RGS17: variants seen among roughly 807,000 people sequenced by gnomAD.
The protein encoded by RGS17 is regulator of G protein signaling 17.
A neutral mutation model predicts 25.5 loss-of-function variants in RGS17; 12 were observed. That is an observed-to-expected ratio of 0.47 (90% CI 0.30 to 0.76). RGS17 has a LOEUF of 0.76. RGS17 is among the 30% of genes least tolerant of loss of function. RGS17 has a pLI of 0.07. For synonymous variants in RGS17, 71 were observed against 76.9 expected, an observed-to-expected ratio of 0.92 and a Z score of 0.40; for missense variants, 196 against 242.2, an observed-to-expected ratio of 0.81 and a Z score of 1.27.
intron 1 of RGS17, among the ~76,000 whole-genome samples, chr6:153,106,924 G>A (rs555471992): frequency 4.0e-5 from 6 of 151,536 alleles, no homozygotes; most frequent in East Asian, 2.0e-4. Context: ...GTCAGCCACC[G>A]TGCCTGGCTG....
In RGS17 at chr6:153,011,365, T is replaced by C. The variant is rs1304825053; in HGVS notation, c.*209A>G. 9.3e-6 allele frequency: 5 copies of C among 535,916 alleles called. No homozygotes were observed. Among genetic ancestry groups the C allele is most frequent in the Admixed American group, 7.2e-5 (2 of 27,690 alleles). The allele number at this position is 535,916 out of a possible 1,614,324, so 33.2% of individuals were successfully genotyped here. Reference sequence around the variant, plus strand: ...ATGAGTCTTGAATAAAACAAACAATTTGGCAATTCATTGTTTTGTGTGGTA... The same window carrying C: ...ATGAGTCTTGAATAAAACAAACAATCTGGCAATTCATTGTTTTGTGTGGTA... On this transcript the variant is annotated 3_prime_UTR_variant, in exon 5 of 5. Coordinates refer to ENST00000206262, the MANE Select transcript of RGS17 (RefSeq NM_012419.5).
In RGS17 at chr6:153,006,565, A is replaced by G. The variant is rs1311265309; in HGVS notation, c.*5009T>C. ...TAACACTGATATAGTGTTCCATCTT[A>G]AAACATGATTGTATGTTTTGATGAG... On this transcript the variant is annotated 3_prime_UTR_variant, in exon 5 of 5. Coordinates refer to ENST00000206262, the MANE Select transcript of RGS17 (RefSeq NM_012419.5). 6.6e-6 allele frequency: 1 copy of G among 152,602 alleles called. No homozygotes were observed. 9.5% of individuals were successfully genotyped at this position (152,602 alleles called of 1,614,324 possible). A position where few individuals can be genotyped will look rare whatever the true frequency, so the allele number is the denominator to read the frequency against.
intron 2 of RGS17, among the ~76,000 whole-genome samples, chr6:153,029,903 A>G (rs893936026): frequency 6.6e-6 from 1 of 152,148 alleles, no homozygotes; most frequent in Non-Finnish European, 1.5e-5. Context: ...TCTCTCCAAG[A>G]AGAGACACTC....
At chr6:153,058,141 A>C (rs1052865953) in intron 1 of RGS17, among the ~76,000 whole-genome samples, 1 of 152,248 alleles carries the variant, frequency 6.6e-6, no homozygotes, top group African/African-American at 2.4e-5. Flanking sequence ...TACTTGGAAC[A>C]AATCTTTGCA....
chr6:153,100,546 A>AAAAAG (rs1239392415), intron 1 of RGS17, among the ~76,000 whole-genome samples: 1 of 3,836 alleles, frequency 2.6e-4, no homozygotes, highest in Non-Finnish European at 4.1e-4. Context: ...AAAGAAAAAG[A>AAAAAG]AAAAAAAGGA....
chr6:153,070,445 T>A (rs577998051), intron 1 of RGS17, among the ~76,000 whole-genome samples: 1 of 152,146 alleles, frequency 6.6e-6, no homozygotes, highest in South Asian at 2.1e-4. Flanking sequence ...GTTATGTCTA[T>A]GTATACAAGT....
At chr6:153,128,493 C>T (rs1213392562) in intron 1 of RGS17, among the ~76,000 whole-genome samples, 1 of 152,144 alleles carries the variant, frequency 6.6e-6, no homozygotes, top group Non-Finnish European at 1.5e-5. Flanking sequence ...GGACTTCTGA[C>T]ACAAAGGCCA....
intron 4 of RGS17, 140 bp from the exon 5 acceptor site, chr6:153,011,902 A>AT: frequency 1.7e-6 from 1 of 585,732 alleles, no homozygotes; most frequent in Non-Finnish European, 2.9e-6. Flanking sequence ...ATCTTTTGAG[A>AT]CTACACAACC....
Position 153,007,016 on chromosome 6 carries a change from C to T in RGS17, c.*4558G>A, listed in dbSNP as rs1456465337. 6.6e-6 allele frequency: 1 copy of T among 152,174 alleles called. No homozygotes were observed. The highest frequency in any genetic ancestry group is 1.5e-5 in the Non-Finnish European group (1 of 68,032). The allele number at this position is 152,174 out of a possible 1,614,324, so 9.4% of individuals were successfully genotyped here. The stretch of plus-strand genomic sequence containing the variant: ...GTTCCCAAACTGGGACCTTCTATCA[C>T]CTAGGGCAACATTTTGCCTTTTGTA... On this transcript the variant is annotated 3_prime_UTR_variant, in exon 5 of 5. Transcript: ENST00000206262.
At chr6:153,123,151 T>C (rs1159320052) in intron 1 of RGS17, among the ~76,000 whole-genome samples, 1 of 152,124 alleles carries the variant, frequency 6.6e-6, no homozygotes, top group Non-Finnish European at 1.5e-5. Flanking sequence ...GTCTATGCCT[T>C]AGTGCCCTAA....
At position 153,032,772 on chromosome 6, in the gene RGS17, C is replaced by T. The variant is rs192562695; in HGVS notation, c.120-6229G>A. ...TTTACAAAATATTCTGAATAGATCCCGGCCCAAAGTCATTTGATTTGGGAA... is the reference window on the plus strand; with the variant it reads ...TTTACAAAATATTCTGAATAGATCCTGGCCCAAAGTCATTTGATTTGGGAA... On this transcript the variant is annotated intron_variant, in intron 2 of 4. Coordinates refer to ENST00000206262, the MANE Select transcript of RGS17 (RefSeq NM_012419.5). Among the ~76,000 whole-genome samples, 205 of 139,316 alleles carry T rather than the reference C, an allele frequency of 1.5e-3. 2 individuals carry two copies. Among genetic ancestry groups the T allele is most frequent in the African/African-American group, 5.1e-3 (194 of 37,772 alleles). 91.4% of individuals were successfully genotyped at this position (139,316 alleles called of 152,430 possible). A position where few individuals can be genotyped will look rare whatever the true frequency, so the allele number is the denominator to read the frequency against.
intron 1 of RGS17, among the ~76,000 whole-genome samples, chr6:153,069,800 A>C (rs1776762493): frequency 6.6e-6 from 1 of 151,426 alleles, no homozygotes; most frequent in Non-Finnish European, 1.5e-5. Context: ...AAAATTAAAA[A>C]CTAAAAAAAA....
At chr6:153,083,157 T>A (rs1206716967) in intron 1 of RGS17, among the ~76,000 whole-genome samples, 1 of 152,160 alleles carries the variant, frequency 6.6e-6, no homozygotes, top group Admixed American at 6.6e-5. Flanking sequence ...TCTGAAAAGT[T>A]CCCTCCTCTG....
intron 1 of RGS17, among the ~76,000 whole-genome samples, chr6:153,108,051 T>C (rs1209887535): frequency 6.6e-6 from 1 of 152,196 alleles, no homozygotes; most frequent in Non-Finnish European, 1.5e-5. Context: ...CCTGAGTTCA[T>C]GTCAGTTATG....
Position 153,011,745 on chromosome 6 carries a change from T to C in RGS17, c.462A>G (p.Arg154=). The C allele has an allele frequency of 6.2e-7, 1 of 1,606,942 alleles. No individual in the cohort carries two copies. Among genetic ancestry groups the C allele is most frequent in the Non-Finnish European group, 8.5e-7 (1 of 1,177,990 alleles). Residue 154 remains arginine, a synonymous_variant, in exon 5 of 5, where the codon CGA becomes CGG. Transcript: ENST00000206262. ...LSPKEVSLDS[R]VREVINRNLL... Reference sequence around the variant, plus strand: ...GATTTCTATTGATCACCTCTCTAACTCGAGAATCAAGACTGACCTAAAAAG... The same window carrying C: ...GATTTCTATTGATCACCTCTCTAACCCGAGAATCAAGACTGACCTAAAAAG...
chr6:153,075,948 G>C (rs1458443434), intron 1 of RGS17, among the ~76,000 whole-genome samples: 1 of 152,146 alleles, frequency 6.6e-6, no homozygotes, highest in South Asian at 2.1e-4. Flanking sequence ...TACAGTAGGC[G>C]GGTGGGAATA....
At chr6:153,114,170 T>C (rs984651039) in intron 1 of RGS17, among the ~76,000 whole-genome samples, 5 of 151,704 alleles carry the variant, frequency 3.3e-5, no homozygotes, top group South Asian at 4.2e-4. Flanking sequence ...ATTAGCAAAA[T>C]AGATAGACTG....
At chr6:153,118,965 T>TAA (rs1249319667) in intron 1 of RGS17, among the ~76,000 whole-genome samples, 1 of 152,218 alleles carries the variant, frequency 6.6e-6, no homozygotes, top group Non-Finnish European at 1.5e-5. Flanking sequence ...CACATTTTTA[T>TAA]CCTATCTTAT....
chr6:153,125,126 T>G (rs1175721112), intron 1 of RGS17, among the ~76,000 whole-genome samples: 1 of 152,190 alleles, frequency 6.6e-6, no homozygotes, highest in Non-Finnish European at 1.5e-5. Flanking sequence ...AGGTTGTGTC[T>G]GTTTTACTGT....
Sources: gnomAD v4.1 joint callset for allele counts (sites outside exome capture counted in the v4.1 genomes callset) on GRCh38, gnomAD v4.1.1 for gene constraint, MANE v1.5 for transcripts, NCBI Gene and HGNC (gene_info 2026-07-23, HGNC 2026-07-21) for gene names.